Variants in KIZ observed in about 807,000 individuals in gnomAD.
KIZ encodes centrosomal protein kizuna.
In KIZ, 68 loss-of-function variants were observed where a neutral mutation model predicts 79.6. That is an observed-to-expected ratio of 0.85 (90% CI 0.70 to 1.05). KIZ has a LOEUF of 1.05. Ranked by LOEUF, KIZ falls within the 50% of genes least tolerant of loss-of-function variation. The probability of loss-of-function intolerance (pLI) is 0.00; values close to 1 mark genes in which losing one functional copy is unlikely to be tolerated. For synonymous variants in KIZ, 280 were observed against 281.8 expected (o/e 0.99, Z 0.06); for missense variants, 797 against 800.4 (o/e 1.00, Z 0.05).
intron 6 of KIZ, among the ~76,000 whole-genome samples, chr20:21,179,552 A>G (rs1472938096): frequency 6.7e-6 from 1 of 149,814 alleles, no homozygotes; most frequent in Non-Finnish European, 1.5e-5. Context: ...TTTTTTTCCT[A>G]TTTTTTGTAT....
intron 1 of KIZ, among the ~76,000 whole-genome samples, chr20:21,128,354 CT>C (rs1336544480): frequency 2.0e-5 from 3 of 152,166 alleles, no homozygotes; most frequent in Admixed American, 6.5e-5. Context: ...AAGCATCCCA[CT>C]GATCACAGAT....
intron 7 of KIZ, chr20:21,213,832 G>A (rs150917783): frequency 7.9e-5 from 12 of 152,338 alleles, no homozygotes; most frequent in African/African-American, 2.6e-4. Context: ...GACACATGAG[G>A]CATTTAAGTA....
intron 6 of KIZ, among the ~76,000 whole-genome samples, chr20:21,184,146 C>CTTT (rs545005735): frequency 2.2e-5 from 3 of 137,710 alleles, no homozygotes; most frequent in East Asian, 2.1e-4. Flanking sequence ...TCCCTGACAT[C>CTTT]TTTTTTTTTT....
In KIZ at chr20:21,185,182, A is replaced by G. The variant is rs144601783; in HGVS notation, c.1353-20309A>G. Among the ~76,000 whole-genome samples, 251 of 152,302 alleles carry G rather than the reference A, an allele frequency of 1.6e-3. 1 individual carries two copies. Among genetic ancestry groups the G allele is most frequent in the African/African-American group, 6.0e-3 (248 of 41,570 alleles). On this transcript the variant is annotated intron_variant, in intron 6 of 12. Coordinates refer to ENST00000619189, the MANE Select transcript of KIZ (RefSeq NM_018474.6). Reference sequence around the variant, plus strand: ...CTTTAGAATATTACCTTAACCTACAAGAGAGATGTGAGGAATAGTTCTGAG... The same window carrying G: ...CTTTAGAATATTACCTTAACCTACAGGAGAGATGTGAGGAATAGTTCTGAG...
intron 10 of KIZ, 104 bp from the exon 11 acceptor site, chr20:21,232,630 G>A (rs764463516): frequency 1.9e-5 from 13 of 667,870 alleles, no homozygotes; most frequent in Non-Finnish European, 1.4e-5. Flanking sequence ...ATCTTCCTCT[G>A]TTGGCGTTTG....
intron 4 of KIZ, among the ~76,000 whole-genome samples, chr20:21,159,841 G>A (rs1054771931): frequency 6.6e-6 from 1 of 152,140 alleles, no homozygotes; most frequent in African/African-American, 2.4e-5. Flanking sequence ...AAGATTTTGT[G>A]TAGTCATATG....
At chr20:21,139,950 A>T (rs561506133) in intron 3 of KIZ, among the ~76,000 whole-genome samples, 1 of 152,206 alleles carries the variant, frequency 6.6e-6, no homozygotes, top group Non-Finnish European at 1.5e-5. Flanking sequence ...TGTGAGTTCC[A>T]TGGAGAACTG....
chr20:21,227,826 TTTTC>T (rs1188243327), intron 9 of KIZ, among the ~76,000 whole-genome samples: 1 of 152,188 alleles, frequency 6.6e-6, no homozygotes, highest in African/African-American at 2.4e-5. Flanking sequence ...GTGTCTGATG[TTTTC>T]TTTATCAGAT....
At chr20:21,131,956 A>C in intron 1 of KIZ, 141 bp from the exon 2 acceptor site, 1 of 553,814 alleles carries the variant, frequency 1.8e-6, no homozygotes, top group South Asian at 2.4e-5. Context: ...ATTTTCACAA[A>C]GGTGTGATTT....
intron 6 of KIZ, among the ~76,000 whole-genome samples, chr20:21,165,633 G>A (rs1452493086): frequency 2.0e-5 from 3 of 151,784 alleles, no homozygotes; most frequent in Non-Finnish European, 4.4e-5. Flanking sequence ...TGAGATTCCC[G>A]CTCCCTGTTG....
At chr20:21,185,138 T>C (rs572278468) in intron 6 of KIZ, among the ~76,000 whole-genome samples, 24 of 152,216 alleles carry the variant, frequency 1.6e-4, no homozygotes, top group Non-Finnish European at 2.9e-4. Flanking sequence ...CTGAATCTAT[T>C]TTGAATTTGG....
chr20:21,163,225 C>G, intron 6 of KIZ, 66 bp downstream of exon 6: 3 of 1,078,754 alleles, frequency 2.8e-6, no homozygotes, highest in Non-Finnish European at 4.1e-6. Context: ...AGAGACCATT[C>G]CACTGGGAAT....
chr20:21,193,914 G>C (rs1400793504), intron 6 of KIZ: 2 of 150,822 alleles, frequency 1.3e-5, no homozygotes, highest in Admixed American at 6.6e-5. Flanking sequence ...TAAATGACGA[G>C]TTAATGGGTG....
intron 6 of KIZ, among the ~76,000 whole-genome samples, chr20:21,188,645 A>C (rs2034983481): frequency 6.6e-6 from 1 of 151,466 alleles, no homozygotes; most frequent in Non-Finnish European, 1.5e-5. Flanking sequence ...CTGGCTCCAT[A>C]ATAAGCCCTG....
chr20:21,151,417 G>A (rs1314149869), intron 4 of KIZ: 1 of 152,122 alleles, frequency 6.6e-6, no homozygotes, highest in African/African-American at 2.4e-5. Context: ...ATGTGACAGA[G>A]GCTCTAACAA....
intron 4 of KIZ, among the ~76,000 whole-genome samples, chr20:21,160,687 C>T (rs192311684): frequency 1.4e-4 from 21 of 152,188 alleles, no homozygotes; most frequent in Non-Finnish European, 2.6e-4. Flanking sequence ...ATTTGTGTCC[C>T]CCCCAAAGTT....
At chr20:21,141,523 G>A (rs367916449) in intron 3 of KIZ, among the ~76,000 whole-genome samples, 1 of 151,534 alleles carries the variant, frequency 6.6e-6, no homozygotes, top group Non-Finnish European at 1.5e-5. Flanking sequence ...CCTTAGGCAC[G>A]GAGCCCCAGA....
chr20:21,144,282 A>G (rs2032730647), intron 3 of KIZ: 1 of 152,182 alleles, frequency 6.6e-6, no homozygotes, highest in African/African-American at 2.4e-5. Context: ...TAGTCACAAG[A>G]AAAAAGAATT....
chr20:21,189,102 C>G (rs1282984886), intron 6 of KIZ, among the ~76,000 whole-genome samples: 4 of 152,126 alleles, frequency 2.6e-5, no homozygotes, highest in African/African-American at 9.7e-5. Flanking sequence ...CATTGGCTTC[C>G]CAAAGTGCTG....
Sources: allele counts gnomAD v4.1 joint callset (sites outside exome capture counted in the v4.1 genomes callset), GRCh38; gene constraint gnomAD v4.1.1; transcripts MANE v1.5; gene names NCBI Gene and HGNC (gene_info 2026-07-23, HGNC 2026-07-21).